SPTLC2: variants seen among roughly 807,000 people sequenced by gnomAD.
SPTLC2 encodes the protein serine palmitoyltransferase long chain base subunit 2.
Under a neutral mutation model 62.0 loss-of-function variants are expected in SPTLC2, and 21 were observed. The observed-to-expected ratio is 0.34, with a 90% CI of 0.24 to 0.49. The LOEUF (loss-of-function observed/expected upper bound fraction) is 0.49. SPTLC2 is among the 20% of genes least tolerant of loss of function. The probability of loss-of-function intolerance (pLI) is 0.99; values close to 1 mark genes in which losing one functional copy is unlikely to be tolerated. For missense variants in SPTLC2, 511 were observed against 713.0 expected (o/e 0.72, Z 3.23); for synonymous variants, 261 against 261.8 (o/e 1.00, Z 0.03).
intron 2 of SPTLC2, among the ~76,000 whole-genome samples, chr14:77,596,104 G>A (rs996183599): frequency 4.6e-5 from 7 of 152,094 alleles, no homozygotes; most frequent in African/African-American, 1.2e-4. Flanking sequence ...TTGGGAGGCC[G>A]AGGTGGGTGG....
chr14:77,532,368 G>A (rs1054947101), intron 9 of SPTLC2, among the ~76,000 whole-genome samples: 1 of 152,076 alleles, frequency 6.6e-6, no homozygotes, highest in Non-Finnish European at 1.5e-5. Flanking sequence ...CTGTGCATTT[G>A]CTTTAATTCT....
At chr14:77,516,981 T>A (rs560508655) in intron 11 of SPTLC2, among the ~76,000 whole-genome samples, 123 of 152,240 alleles carry the variant, frequency 8.1e-4, no homozygotes, top group Non-Finnish European at 1.4e-3. Flanking sequence ...AGGCAGTGGC[T>A]CACGCCTGCA....
intron 5 of SPTLC2, among the ~76,000 whole-genome samples, chr14:77,566,883 T>C (rs1192525313): frequency 6.6e-6 from 1 of 152,176 alleles, no homozygotes; most frequent in Non-Finnish European, 1.5e-5. Context: ...CAGTATCAGA[T>C]TCAAAGGATC....
chr14:77,603,737 A>G (rs758375092), intron 1 of SPTLC2, among the ~76,000 whole-genome samples: 2 of 152,212 alleles, frequency 1.3e-5, no homozygotes, highest in Non-Finnish European at 2.9e-5. Context: ...GAGATCTTCA[A>G]GCATATATGG....
rs765827366 is a variant in SPTLC2 at position 77,579,071 on chromosome 14, A to G, written c.366T>C (p.Tyr122=). Residue 122 remains tyrosine, a synonymous_variant, in exon 3 of 12, where the codon TAT becomes TAC. Transcript: ENST00000216484. ...TTATCCTCATGTACAGATTCCTTGT[A>G]TAAAAGTTTTCAAAATCTTGATACA... ...VSLYQDFENF[Y]TRNLYMRIRD... 3.7e-6 allele frequency: 6 copies of G among 1,614,176 alleles called. No homozygotes were observed. In the Admixed American group the frequency reaches 6.7e-5, roughly 18 times the overall value.
chr14:77,593,377 G>C (rs1254228013), intron 2 of SPTLC2, among the ~76,000 whole-genome samples: 4 of 152,078 alleles, frequency 2.6e-5, no homozygotes, highest in Non-Finnish European at 4.4e-5. Flanking sequence ...TCCTGGCCTT[G>C]AGTGATCCTC....
At chr14:77,583,181 T>A (rs959335547) in intron 2 of SPTLC2, among the ~76,000 whole-genome samples, 1 of 144,808 alleles carries the variant, frequency 6.9e-6, no homozygotes, top group Admixed American at 7.3e-5. Flanking sequence ...GCCTGGGCAA[T>A]AGAGTGAAAA....
chr14:77,552,665 G>A (rs1235162174), intron 8 of SPTLC2, among the ~76,000 whole-genome samples: 3 of 151,988 alleles, frequency 2.0e-5, no homozygotes, highest in African/African-American at 7.2e-5. Context: ...AATCAGCTGT[G>A]CGTGGAGGCG....
intron 9 of SPTLC2, among the ~76,000 whole-genome samples, chr14:77,540,623 C>T (rs917018140): frequency 2.0e-5 from 3 of 151,916 alleles, no homozygotes; most frequent in Admixed American, 1.3e-4. Flanking sequence ...TACAGACGGC[C>T]GCCACCACAC....
intron 9 of SPTLC2, chr14:77,535,938 G>T (rs1406130128): frequency 6.6e-6 from 3 of 455,174 alleles, no homozygotes; most frequent in African/African-American, 6.0e-5. Flanking sequence ...TAAATACAGG[G>T]GATAAAGGAG....
At chr14:77,542,063 G>GAAAAAA (rs11402118) in intron 9 of SPTLC2, among the ~76,000 whole-genome samples, 1 of 120,470 alleles carries the variant, frequency 8.3e-6, no homozygotes, top group Non-Finnish European at 1.7e-5. Flanking sequence ...TCTGTGTCCG[G>GAAAAAA]AAAAAAAAAA....
At chr14:77,598,109 C>T (rs1275481395) in intron 1 of SPTLC2, among the ~76,000 whole-genome samples, 2 of 124,514 alleles carry the variant, frequency 1.6e-5, no homozygotes, top group African/African-American at 6.0e-5. Context: ...GAAATAAGAG[C>T]GAAACCCCAT....
intron 9 of SPTLC2, among the ~76,000 whole-genome samples, chr14:77,541,199 T>C (rs1158817044): frequency 2.7e-5 from 4 of 147,108 alleles, no homozygotes; most frequent in Non-Finnish European, 6.0e-5. Context: ...TGGGTAATTT[T>C]TGTATTTTAT....
intron 9 of SPTLC2, chr14:77,547,678 C>T (rs954083836): frequency 1.8e-4 from 28 of 152,164 alleles, no homozygotes; most frequent in Admixed American, 1.6e-3. Context: ...CAACCTGGGC[C>T]AATTCACCCC....
Position 77,510,472 on chromosome 14 carries a change from T to G in SPTLC2, c.*1812A>C, listed in dbSNP as rs1227204716. The G allele has an allele frequency of 1.3e-5, 2 of 152,198 alleles. No individual in the cohort carries two copies. The highest frequency in any genetic ancestry group is 2.4e-5 in the African/African-American group (1 of 41,442). The allele number at this position is 152,198 out of a possible 1,614,324, so 9.4% of individuals were successfully genotyped here. On this transcript the variant is annotated 3_prime_UTR_variant, in exon 12 of 12. Transcript: ENST00000216484. ...GAGCAATTTCAAAAACTTAAATGTG[T>G]AACATGACTTTTTTTTTTGAGACAC...
rs1468813018 is a variant in SPTLC2 at position 77,526,027 on chromosome 14, T to C, written c.1304-4446A>G. Among the ~76,000 whole-genome samples, 3 of 152,240 alleles carry C rather than the reference T, an allele frequency of 2.0e-5. No homozygotes were observed. The East Asian group carries it at 5.8e-4, about 29-fold the overall frequency. On this transcript the variant is annotated intron_variant, in intron 9 of 11. Transcript: ENST00000216484. ...TGACCTTAAAGCAGGAAATTTCTTA[T>C]GGTTTAACTTACTAATTTCAAAGAG...
At chr14:77,579,231 T>C in intron 2 of SPTLC2, 122 bp from the exon 3 acceptor site, 2 of 952,328 alleles carry the variant, frequency 2.1e-6, no homozygotes, top group Admixed American at 4.3e-5. Flanking sequence ...TTTCATTACG[T>C]GCAAGATTGT....
In SPTLC2 at chr14:77,597,175, C is replaced by CT; in HGVS notation, c.327+10dup. On this transcript the variant is annotated intron_variant, in intron 2 of 11. Transcript: ENST00000216484. ...TTCTATTTACAGAATCAAAAACTCT[C>CT]TAACAGTTACCTTTTGTTCTTCTCT... The CT allele has an allele frequency of 6.2e-7, 1 of 1,613,434 alleles. No individual in the cohort carries two copies. Among genetic ancestry groups the CT allele is most frequent in the Non-Finnish European group, 8.5e-7 (1 of 1,179,528 alleles).
intron 4 of SPTLC2, among the ~76,000 whole-genome samples, chr14:77,574,112 C>G (rs1195569408): frequency 1.3e-5 from 2 of 152,174 alleles, no homozygotes; most frequent in African/African-American, 4.8e-5. Flanking sequence ...AATTATGAGA[C>G]TAGACATTTT....
Sources: gnomAD v4.1 joint callset for allele counts (sites outside exome capture counted in the v4.1 genomes callset) on GRCh38, gnomAD v4.1.1 for gene constraint, MANE v1.5 for transcripts, NCBI Gene and HGNC (gene_info 2026-07-23, HGNC 2026-07-21) for gene names.